Variants in DTNBP1 observed in about 807,000 individuals in gnomAD.
DTNBP1 encodes the protein dysbindin.
In DTNBP1, 35 loss-of-function variants were observed where a neutral mutation model predicts 42.8. The observed-to-expected ratio is 0.82, with a 90% CI of 0.63 to 1.09. The LOEUF (loss-of-function observed/expected upper bound fraction) is 1.09. Ranked by LOEUF, DTNBP1 falls within the 50% of genes least tolerant of loss-of-function variation. The pLI is 0.00. For synonymous variants in DTNBP1, 171 were observed against 162.2 expected (o/e 1.05, Z -0.41); for missense variants, 457 against 424.2 (o/e 1.08, Z -0.68).
intron 6 of DTNBP1, among the ~76,000 whole-genome samples, chr6:15,605,194 A>C (rs1398478230): frequency 6.6e-6 from 1 of 152,192 alleles, no homozygotes; most frequent in Non-Finnish European, 1.5e-5. Context: ...CAAATTACAC[A>C]CTTATGGATG....
chr6:15,611,529 T>C (rs1351490456), intron 6 of DTNBP1, among the ~76,000 whole-genome samples: 3 of 152,206 alleles, frequency 2.0e-5, no homozygotes, highest in African/African-American at 4.8e-5. Context: ...TGTAAGGCTA[T>C]AGCTGCCATA....
Position 15,662,807 on chromosome 6 carries a change from T to C in DTNBP1, c.56+7A>G. The C allele has an allele frequency of 1.2e-6, 2 of 1,611,956 alleles. No individual in the cohort carries two copies. Among genetic ancestry groups the C allele is most frequent in the East Asian group, 2.2e-5 (1 of 44,846 alleles). ...AGGTCCCTTTTCGTCGCCCACCGTA[T>C]ACCCACCCGGAGGTGAAATCCTGCT... On this transcript the variant is annotated splice_region_variant and intron_variant, in intron 1 of 9. Transcript: ENST00000344537.
chr6:15,565,608 ACATTTATATGAAATGTCTAGAAAAG>A (rs1192296085), intron 7 of DTNBP1, among the ~76,000 whole-genome samples: 1 of 152,256 alleles, frequency 6.6e-6, no homozygotes, highest in Non-Finnish European at 1.5e-5. Context: ...AGGATTCTGG[ACATTTATATGAAATGTCTAGAAAAG>A]GCAAATCTAT....
Position 15,526,930 on chromosome 6 carries a change from C to T in DTNBP1, c.668-2261G>A, listed in dbSNP as rs78847985. Among the ~76,000 whole-genome samples, 25 of 152,240 alleles carry T rather than the reference C, an allele frequency of 1.6e-4. No homozygotes were observed. In the East Asian group the frequency reaches 4.4e-3, roughly 27 times the overall value. On this transcript the variant is annotated intron_variant, in intron 8 of 9. Coordinates refer to ENST00000344537, the MANE Select transcript of DTNBP1 (RefSeq NM_032122.5). ...GTGATCACAGGAAATGTCAATGAGC[C>T]AAACTTGTCAGTTAAGAGATTATAC...
In DTNBP1 at chr6:15,564,248, C is replaced by T. The variant is rs534667795; in HGVS notation, c.511+28811G>A. ...AACCTACTACTGTTACACTTTTGCCCTTCAAAATATATTACTGAGAAAATG... is the reference window on the plus strand; with the variant it reads ...AACCTACTACTGTTACACTTTTGCCTTTCAAAATATATTACTGAGAAAATG... On this transcript the variant is annotated intron_variant, in intron 7 of 9. Transcript: ENST00000344537. 2.1e-4 allele frequency among the ~76,000 whole-genome samples: 32 copies of T among 152,090 alleles called. 1 individual carries two copies. The East Asian group carries it at 5.8e-3, about 28-fold the overall frequency.
chr6:15,525,613 T>G (rs544352714), intron 8 of DTNBP1, among the ~76,000 whole-genome samples: 1 of 152,038 alleles, frequency 6.6e-6, no homozygotes, highest in Non-Finnish European at 1.5e-5. Flanking sequence ...GGACAGACAT[T>G]TGAAAGCCAA....
chr6:15,651,275 T>G (rs368578285), intron 3 of DTNBP1, 38 bp downstream of exon 3: 202 of 1,592,894 alleles, frequency 1.3e-4, no homozygotes, highest in Middle Eastern at 2.2e-4. Flanking sequence ...AGTAAAAAAG[T>G]CAGAAGTATA....
intron 6 of DTNBP1, among the ~76,000 whole-genome samples, chr6:15,605,024 G>C (rs1212417686): frequency 6.6e-6 from 1 of 152,144 alleles, no homozygotes; most frequent in Non-Finnish European, 1.5e-5. Flanking sequence ...AAAATTATGA[G>C]TCACTTATAA....
chr6:15,576,128 T>G (rs1043130732), intron 7 of DTNBP1, among the ~76,000 whole-genome samples: 5 of 150,696 alleles, frequency 3.3e-5, no homozygotes, highest in African/African-American at 1.2e-4. Context: ...TCTTTTTCCT[T>G]TTTTTTTTGA....
At chr6:15,602,312 C>A (rs989045697) in intron 6 of DTNBP1, among the ~76,000 whole-genome samples, 4 of 152,162 alleles carry the variant, frequency 2.6e-5, no homozygotes, top group African/African-American at 9.7e-5. Flanking sequence ...AGAGGAGGAG[C>A]ACTGTTTTCT....
intron 7 of DTNBP1, among the ~76,000 whole-genome samples, chr6:15,554,374 T>C (rs923378436): frequency 1.3e-5 from 2 of 152,310 alleles, no homozygotes; most frequent in East Asian, 3.9e-4. Flanking sequence ...CATACCACTA[T>C]GCCCAGTGGC....
At chr6:15,607,220 C>T (rs1277390453) in intron 6 of DTNBP1, among the ~76,000 whole-genome samples, 2 of 151,290 alleles carry the variant, frequency 1.3e-5, no homozygotes, top group African/African-American at 2.4e-5. Flanking sequence ...CATGTTGGCC[C>T]GGCTGGTCTC....
At chr6:15,646,384 A>G (rs1034279925) in intron 3 of DTNBP1, among the ~76,000 whole-genome samples, 1 of 152,000 alleles carries the variant, frequency 6.6e-6, no homozygotes, top group Non-Finnish European at 1.5e-5. Context: ...ACACGAATGG[A>G]AAAACATTCC....
In DTNBP1 at chr6:15,657,213, C is replaced by T. The variant is rs183054054; in HGVS notation, c.57-5073G>A. Among the ~76,000 whole-genome samples, 8 of 152,338 alleles carry T rather than the reference C, an allele frequency of 5.3e-5. No homozygotes were observed. The East Asian group carries it at 1.5e-3, about 29-fold the overall frequency. ...TACATGGCTTCAAGTTCTCACTTCTCACCTGAGCGCAAGAGAAATTTCCAA... is the reference window on the plus strand; with the variant it reads ...TACATGGCTTCAAGTTCTCACTTCTTACCTGAGCGCAAGAGAAATTTCCAA... On this transcript the variant is annotated intron_variant, in intron 1 of 9. Coordinates refer to ENST00000344537, the MANE Select transcript of DTNBP1 (RefSeq NM_032122.5).
chr6:15,662,753 G>A lies in DTNBP1; in HGVS notation c.56+61C>T, dbSNP rs1465451430. The A allele has an allele frequency of 1.9e-6, 3 of 1,602,982 alleles. No individual in the cohort carries two copies. The African/African-American group carries it at 4.0e-5, about 21-fold the overall frequency. ...GGCGCGGGGAAGGGAGCGAGGCAGG[G>A]GCATCCCAGGCGGCGGCCCGGCCCC... On this transcript the variant is annotated intron_variant, in intron 1 of 9. Coordinates refer to ENST00000344537, the MANE Select transcript of DTNBP1 (RefSeq NM_032122.5).
chr6:15,660,896 C>G (rs1339063162), intron 1 of DTNBP1, among the ~76,000 whole-genome samples: 2 of 152,158 alleles, frequency 1.3e-5, no homozygotes, highest in African/African-American at 4.8e-5. Context: ...AATGGCCACT[C>G]TCATGCTACA....
At chr6:15,611,362 T>C (rs1758386579) in intron 6 of DTNBP1, among the ~76,000 whole-genome samples, 3 of 152,206 alleles carry the variant, frequency 2.0e-5, no homozygotes, top group Non-Finnish European at 4.4e-5. Context: ...CAAATAATAT[T>C]GCTCCTTGAC....
At chr6:15,613,078 C>T (rs1049674705) in intron 6 of DTNBP1, among the ~76,000 whole-genome samples, 8 of 152,026 alleles carry the variant, frequency 5.3e-5, no homozygotes, top group East Asian at 3.9e-4. Flanking sequence ...GAGGCTGAGG[C>T]GAGTGGATCA....
At position 15,607,136 on chromosome 6, in the gene DTNBP1, G is replaced by C. The variant is rs1478399253; in HGVS notation, c.488+8131C>G. Among the ~76,000 whole-genome samples the C allele has an allele frequency of 2.7e-5, 4 of 149,786 alleles. No individual in the cohort carries two copies. The East Asian group carries it at 7.9e-4, about 30-fold the overall frequency. On this transcript the variant is annotated intron_variant, in intron 6 of 9. Coordinates refer to ENST00000344537, the MANE Select transcript of DTNBP1 (RefSeq NM_032122.5). ...AGCAATTCTCCTGCCTTAGCCTCTT[G>C]AGTGTCTGGGATTACAGGCACCCAC... is the stretch of plus-strand genomic sequence containing the variant.
Sources: allele counts gnomAD v4.1 joint callset (sites outside exome capture counted in the v4.1 genomes callset), GRCh38; gene constraint gnomAD v4.1.1; transcripts MANE v1.5; gene names NCBI Gene and HGNC (gene_info 2026-07-23, HGNC 2026-07-21).